Variants in DDAH1 observed in about 807,000 individuals in gnomAD.
DDAH1 encodes the protein N(G),N(G)-dimethylarginine dimethylaminohydrolase 1.
In DDAH1, 19 loss-of-function variants were observed where a neutral mutation model predicts 28.8. The ratio of observed to expected loss-of-function variants is 0.66; its 90% CI spans 0.46 to 0.97. The LOEUF is 0.97. DDAH1 is among the 50% of genes least tolerant of loss of function. The probability of loss-of-function intolerance (pLI) is 0.00; values close to 1 mark genes in which losing one functional copy is unlikely to be tolerated. For missense variants in DDAH1, 326 were observed against 375.9 expected (o/e 0.87, Z 1.10); for synonymous variants, 153 against 154.4 (o/e 0.99, Z 0.07).
chr1:85,524,399 A>G (rs1222779501), intron 1 of DDAH1, among the ~76,000 whole-genome samples: 1 of 149,968 alleles, frequency 6.7e-6, no homozygotes, highest in Non-Finnish European at 1.5e-5. Flanking sequence ...CTTCTGGAGC[A>G]TTTTGCTTAA....
At chr1:85,567,593 C>T (rs1316695005) in intron 1 of DDAH1, among the ~76,000 whole-genome samples, 1 of 152,126 alleles carries the variant, frequency 6.6e-6, no homozygotes, top group Non-Finnish European at 1.5e-5. Context: ...TCAGGTATGT[C>T]TTTATCAGCA....
At chr1:85,403,553 T>G (rs1652257766) in intron 1 of DDAH1, among the ~76,000 whole-genome samples, 1 of 152,136 alleles carries the variant, frequency 6.6e-6, no homozygotes, top group Non-Finnish European at 1.5e-5. Flanking sequence ...GAAACTGAAA[T>G]AGTGATCTAT....
At chr1:85,361,310 T>G (rs1171760172) in intron 1 of DDAH1, among the ~76,000 whole-genome samples, 1 of 152,192 alleles carries the variant, frequency 6.6e-6, no homozygotes, top group Admixed American at 6.5e-5. Flanking sequence ...ATCCAAACCA[T>G]GAGCCTTTAA....
At chr1:85,393,389 A>G (rs1651657234) in intron 1 of DDAH1, among the ~76,000 whole-genome samples, 1 of 152,208 alleles carries the variant, frequency 6.6e-6, no homozygotes, top group Non-Finnish European at 1.5e-5. Flanking sequence ...AGGCAAAGAA[A>G]ATGCCTTCTT....
At chr1:85,508,803 A>C (rs1468667644) in intron 1 of DDAH1, among the ~76,000 whole-genome samples, 3 of 152,220 alleles carry the variant, frequency 2.0e-5, no homozygotes, top group Admixed American at 2.0e-4. Flanking sequence ...TGAGTAGGTA[A>C]ACAAAGCGGC....
intron 1 of DDAH1, among the ~76,000 whole-genome samples, chr1:85,391,427 A>T (rs533767012): frequency 1.3e-5 from 2 of 152,294 alleles, no homozygotes; most frequent in East Asian, 3.9e-4. Context: ...CGATTATGTC[A>T]CTGCACTCCA....
chr1:85,550,810 G>A (rs936800088), intron 1 of DDAH1, among the ~76,000 whole-genome samples: 8 of 152,092 alleles, frequency 5.3e-5, no homozygotes, highest in Non-Finnish European at 1.2e-4. Flanking sequence ...TTAACTTGAG[G>A]CTTAAGAAGG....
chr1:85,514,454 A>T (rs141661354), intron 1 of DDAH1, among the ~76,000 whole-genome samples: 8,697 of 151,670 alleles, frequency 0.057, 382 homozygotes, highest in East Asian at 0.13. Flanking sequence ...GGGTGCAGCA[A>T]ACCAACATGG....
At chr1:85,508,060 T>C (rs1657086434) in intron 1 of DDAH1, among the ~76,000 whole-genome samples, 1 of 152,228 alleles carries the variant, frequency 6.6e-6, no homozygotes, top group African/African-American at 2.4e-5. Context: ...GTATTAGTGA[T>C]TCTAAGGTCA....
At chr1:85,512,118 G>A (rs985655029) in intron 1 of DDAH1, among the ~76,000 whole-genome samples, 5 of 152,086 alleles carry the variant, frequency 3.3e-5, no homozygotes, top group Admixed American at 1.3e-4. Flanking sequence ...CTGGCAAACC[G>A]AATCCAGCAG....
chr1:85,333,052 G>A (rs931475906), intron 4 of DDAH1, among the ~76,000 whole-genome samples: 3 of 152,124 alleles, frequency 2.0e-5, no homozygotes, highest in Non-Finnish European at 4.4e-5. Context: ...TAACACTGGC[G>A]CCCACATATG....
In DDAH1 at chr1:85,422,294, G is replaced by A. The variant is rs1239430284; in HGVS notation, c.303+42449C>T. Among the ~76,000 whole-genome samples, 3 of 151,906 alleles carry A rather than the reference G, an allele frequency of 2.0e-5. No individual in the cohort carries two copies. The East Asian group carries it at 5.8e-4, about 29-fold the overall frequency. ...GTTTTAAGAGTTCTTCGTATATTTTGGATACAACTCCTCTATCAGATATGT... is the reference window on the plus strand; with the variant it reads ...GTTTTAAGAGTTCTTCGTATATTTTAGATACAACTCCTCTATCAGATATGT... On this transcript the variant is annotated intron_variant, in intron 1 of 5. Transcript: ENST00000284031.
intron 4 of DDAH1, among the ~76,000 whole-genome samples, chr1:85,330,052 A>G (rs917639424): frequency 2.0e-5 from 3 of 152,164 alleles, no homozygotes; most frequent in African/African-American, 7.2e-5. Flanking sequence ...GTATGTTGTT[A>G]TTGTCTGAAT....
chr1:85,462,735 G>A (rs1179402369), intron 1 of DDAH1, among the ~76,000 whole-genome samples: 3 of 152,128 alleles, frequency 2.0e-5, no homozygotes, highest in Non-Finnish European at 4.4e-5. Flanking sequence ...AACACTGACT[G>A]CCCATATTCC....
At chr1:85,466,133 T>A (rs1409711386), upstream of DDAH1, among the ~76,000 whole-genome samples, 3 of 152,258 alleles carry the variant, frequency 2.0e-5, no homozygotes, top group Non-Finnish European at 4.4e-5. Context: ...CCTAGAATGG[T>A]TGCCCCAACT....
intron 2 of DDAH1, among the ~76,000 whole-genome samples, chr1:85,491,284 C>T (rs1011745477): frequency 8.5e-5 from 13 of 152,098 alleles, no homozygotes; most frequent in African/African-American, 2.4e-4. Context: ...CCTAACATGT[C>T]GTGTGCTCTT....
chr1:85,466,832 CTTTTTT>C (rs10675813), upstream of DDAH1, among the ~76,000 whole-genome samples: 3 of 70,720 alleles, frequency 4.2e-5, no homozygotes, highest in African/African-American at 5.8e-5. Flanking sequence ...ATTATTTATT[CTTTTTT>C]TTTTTTTTTT....
At chr1:85,460,229 A>C (rs1655065679) in intron 1 of DDAH1, among the ~76,000 whole-genome samples, 1 of 152,196 alleles carries the variant, frequency 6.6e-6, no homozygotes, top group Non-Finnish European at 1.5e-5. Context: ...GCTTTTTCCT[A>C]ACCAGAGAAT....
chr1:85,576,409 C>T (rs1190225281), intron 1 of DDAH1, among the ~76,000 whole-genome samples: 1 of 152,208 alleles, frequency 6.6e-6, no homozygotes, highest in Non-Finnish European at 1.5e-5. Flanking sequence ...GGGCTCCCCA[C>T]ACGCGGAACT....
Sources: allele counts gnomAD v4.1 joint callset (sites outside exome capture counted in the v4.1 genomes callset), GRCh38; gene constraint gnomAD v4.1.1; transcripts MANE v1.5; gene names NCBI Gene and HGNC (gene_info 2026-07-23, HGNC 2026-07-21).